Variants in MRTFA observed in about 807,000 individuals in gnomAD.
The protein encoded by MRTFA is myocardin related transcription factor A, also known as myocardin-related transcription factor A.
A neutral mutation model predicts 83.5 loss-of-function variants in MRTFA; 20 were observed. The ratio of observed to expected loss-of-function variants is 0.24; its 90% CI spans 0.17 to 0.35. The LOEUF is 0.35. Among genes scored for constraint, MRTFA ranks in the 10% least tolerant of loss-of-function variants. The pLI, the probability that MRTFA is intolerant of heterozygous loss-of-function variation, is 1.00. For synonymous variants in MRTFA, 659 were observed against 541.2 expected (o/e 1.22, Z -3.02); for missense variants, 1,200 against 1,224.7 (o/e 0.98, Z 0.30).
intron 3 of MRTFA, among the ~76,000 whole-genome samples, chr22:40,474,866 T>A (rs1449982549): frequency 6.6e-6 from 1 of 152,156 alleles, no homozygotes; most frequent in African/African-American, 2.4e-5. Flanking sequence ...TGAGATGGAA[T>A]CTTGCTCTGT....
intron 3 of MRTFA, among the ~76,000 whole-genome samples, chr22:40,506,570 GCTT>G (rs2054583391): frequency 6.6e-6 from 1 of 152,172 alleles, no homozygotes; most frequent in African/African-American, 2.4e-5. Context: ...AGGAGATGTG[GCTT>G]CTTCAGTGCC....
chr22:40,449,183 C>T (rs1035729355), intron 4 of MRTFA, among the ~76,000 whole-genome samples: 3 of 150,060 alleles, frequency 2.0e-5, no homozygotes, highest in East Asian at 2.0e-4. Context: ...AGGAGAATGG[C>T]GTGAACCCAG....
chr22:40,550,715 C>T (rs2055430356), intron 3 of MRTFA, among the ~76,000 whole-genome samples: 1 of 152,146 alleles, frequency 6.6e-6, no homozygotes, highest in Admixed American at 6.5e-5. Context: ...ATAATACAGA[C>T]ATATTTGGCA....
intron 4 of MRTFA, among the ~76,000 whole-genome samples, chr22:40,459,241 A>C (rs2053652235): frequency 3.9e-5 from 1 of 25,676 alleles, no homozygotes; most frequent in East Asian, 4.0e-4. Context: ...GGGTCTGGCA[A>C]AAAAAAAAAA....
intron 1 of MRTFA, among the ~76,000 whole-genome samples, chr22:40,605,193 T>C (rs2147402244): frequency 6.6e-6 from 1 of 152,234 alleles, no homozygotes; most frequent in South Asian, 2.1e-4. Context: ...GCTAACATAC[T>C]AGACAAAAAA....
At chr22:40,412,682 G>T (rs2052584839) in intron 14 of MRTFA, 2 of 152,174 alleles carry the variant, frequency 1.3e-5, no homozygotes, top group Non-Finnish European at 2.9e-5. Flanking sequence ...AAAGTAGAAT[G>T]GCAGTTGCTA....
At chr22:40,478,747 G>A (rs1191696210) in intron 3 of MRTFA, among the ~76,000 whole-genome samples, 1 of 152,102 alleles carries the variant, frequency 6.6e-6, no homozygotes, top group African/African-American at 2.4e-5. Context: ...TCTGGTGGAG[G>A]CAAACCAGTG....
chr22:40,518,907 C>G (rs1233379357), intron 3 of MRTFA, among the ~76,000 whole-genome samples: 1 of 147,296 alleles, frequency 6.8e-6, no homozygotes, highest in Non-Finnish European at 1.5e-5. Flanking sequence ...TGCTGGAATT[C>G]TTACAAAATC....
chr22:40,451,694 A>G (rs947061463), intron 4 of MRTFA, among the ~76,000 whole-genome samples: 2 of 152,168 alleles, frequency 1.3e-5, no homozygotes, highest in Non-Finnish European at 2.9e-5. Flanking sequence ...ACCAGTGGTC[A>G]AATATTTTGA....
At chr22:40,531,585 T>G (rs567753831) in intron 3 of MRTFA, among the ~76,000 whole-genome samples, 1 of 152,166 alleles carries the variant, frequency 6.6e-6, no homozygotes, top group Admixed American at 6.5e-5. Context: ...AAAACTCTCA[T>G]TAAATAGCAG....
intron 12 of MRTFA, among the ~76,000 whole-genome samples, chr22:40,417,992 G>T (rs1270426460): frequency 6.6e-6 from 1 of 152,128 alleles, no homozygotes; most frequent in Non-Finnish European, 1.5e-5. Flanking sequence ...ACCCTGAGCT[G>T]GATCCTGGCC....
rs56745896 is a variant in MRTFA at position 40,516,422 on chromosome 22, GAAAAAAAAAA to G, written c.241+35674_241+35683del. On this transcript the variant is annotated intron_variant, in intron 3 of 14. Coordinates refer to ENST00000355630, the MANE Select transcript of MRTFA (RefSeq NM_020831.6). ...GACACAGAGCGAGGGACTGCCTCAAGAAAAAAAAAAAAAAAAAAAAAGGAAAAAGAAAAAA... is the reference window on the plus strand; with the variant it reads ...GACACAGAGCGAGGGACTGCCTCAAGAAAAAAAAAAAGGAAAAAGAAAAAA... 1.5e-4 allele frequency among the ~76,000 whole-genome samples: 7 copies of G among 47,014 alleles called. No homozygotes were observed. In the South Asian group the frequency reaches 2.1e-3, roughly 14 times the overall value. 30.8% of individuals were successfully genotyped at this position (47,014 alleles called of 152,430 possible).
intron 4 of MRTFA, among the ~76,000 whole-genome samples, chr22:40,459,265 A>G (rs1191818997): frequency 7.2e-6 from 1 of 139,440 alleles, no homozygotes; most frequent in Admixed American, 7.1e-5. Context: ...AAAAAAAAAG[A>G]GCCTCGTTTT....
chr22:40,528,194 G>A (rs1381588569), intron 3 of MRTFA, among the ~76,000 whole-genome samples: 5 of 152,112 alleles, frequency 3.3e-5, no homozygotes, highest in South Asian at 2.1e-4. Context: ...ACTTCCCAGC[G>A]GGTGGAAGGT....
intron 3 of MRTFA, among the ~76,000 whole-genome samples, chr22:40,525,601 A>C (rs2054955859): frequency 6.6e-6 from 1 of 152,216 alleles, no homozygotes; most frequent in South Asian, 2.1e-4. Context: ...TAAATACATA[A>C]AATTTTGATT....
chr22:40,416,893 CG>C lies in MRTFA; in HGVS notation c.2578+92del, dbSNP rs1569248573. 8.2e-7 allele frequency: 1 copy of C among 1,223,276 alleles called. No homozygotes were observed. The highest frequency in any genetic ancestry group is 1.2e-6 in the Non-Finnish European group (1 of 857,942). The allele number at this position is 1,223,276 out of a possible 1,614,324, so 75.8% of individuals were successfully genotyped here. On this transcript the variant is annotated intron_variant, in intron 14 of 14. Transcript: ENST00000355630. The surrounding 1 kb of genome is among the most constrained non-coding windows in gnomAD (Gnocchi z 4.2). ...GTGCTTGCCCAAGACTGGTCACGCA[CG>C]GAAGCATTCAATAAAAACAAACCAA...
chr22:40,418,686 G>A lies in MRTFA; in HGVS notation c.2052C>T (p.Cys684=), dbSNP rs755170322. Reference sequence around the variant, plus strand: ...GGCCCAGGGGCTGCTGGCTCAGCTGGCAGCTGGAGAAGCTGTTCTCCTGCT... The same window carrying A: ...GGCCCAGGGGCTGCTGGCTCAGCTGACAGCTGGAGAAGCTGTTCTCCTGCT... Residue 684 remains cysteine (C), a synonymous_variant, in exon 12 of 15, where the codon TGC becomes TGT. Coordinates refer to ENST00000355630, the MANE Select transcript of MRTFA (RefSeq NM_020831.6). 7.1e-5 allele frequency: 99 copies of A among 1,399,928 alleles called. No individual in the cohort carries two copies. Among genetic ancestry groups the A allele is most frequent in the Non-Finnish European group, 8.6e-5 (92 of 1,075,068 alleles). The allele number at this position is 1,399,928 out of a possible 1,614,324, so 86.7% of individuals were successfully genotyped here. A position where few individuals can be genotyped will look rare whatever the true frequency, so the allele number is the denominator to read the frequency against.
intron 1 of MRTFA, among the ~76,000 whole-genome samples, chr22:40,625,445 CTCTCTAAATAAA>C (rs1342407577): frequency 1.5e-4 from 22 of 142,106 alleles, no homozygotes; most frequent in African/African-American, 3.9e-4. Flanking sequence ...GCAAGGCCCT[CTCTCTAAATAAA>C]TAAATAAATA....
At chr22:40,432,714 C>CTG (rs2053093400) in intron 5 of MRTFA, among the ~76,000 whole-genome samples, 2 of 151,732 alleles carry the variant, frequency 1.3e-5, no homozygotes, top group African/African-American at 4.8e-5. Flanking sequence ...TTGTCCTCAC[C>CTG]TAGCCATCTG....
Sources: allele counts gnomAD v4.1 joint callset (sites outside exome capture counted in the v4.1 genomes callset), GRCh38; gene constraint gnomAD v4.1.1; non-coding constraint Gnocchi (gnomAD v3.1); transcripts MANE v1.5; gene names NCBI Gene and HGNC (gene_info 2026-07-23, HGNC 2026-07-21).